Variants in NPHP4 observed in about 807,000 individuals in gnomAD.
NPHP4 encodes the protein nephrocystin-4.
In NPHP4, 151 loss-of-function variants were observed where a neutral mutation model predicts 155.8. The ratio of observed to expected loss-of-function variants is 0.97; its 90% CI spans 0.85 to 1.11. The LOEUF is 1.11. Among genes scored for constraint, NPHP4 ranks in the 50% least tolerant of loss-of-function variants. The pLI, the probability that NPHP4 is intolerant of heterozygous loss-of-function variation, is 0.00. For missense variants in NPHP4, 1,956 were observed against 1,925.7 expected (o/e 1.02, Z -0.29); for synonymous variants, 845 against 816.8 (o/e 1.03, Z -0.59).
At chr1:5,957,513 G>T (rs1231245897) in intron 6 of NPHP4, among the ~76,000 whole-genome samples, 1 of 152,198 alleles carries the variant, frequency 6.6e-6, no homozygotes, top group African/African-American at 2.4e-5. Flanking sequence ...CAAGACCGCT[G>T]CAACAGTGGG....
chr1:5,941,056 A>G (rs150954302), intron 9 of NPHP4, among the ~76,000 whole-genome samples: 147 of 152,310 alleles, frequency 9.7e-4, no homozygotes, highest in African/African-American at 3.5e-3. Flanking sequence ...CACACAACAG[A>G]GCCTCCAAAA....
At chr1:5,864,199 G>A (rs1640945252) in intron 28 of NPHP4, 139 bp downstream of exon 28, 1 of 1,132,170 alleles carries the variant, frequency 8.8e-7, no homozygotes, top group Non-Finnish European at 1.3e-6. Flanking sequence ...CAGCACAGGA[G>A]CAAACACTCA....
At chr1:5,969,042 G>T in intron 4 of NPHP4, 45 bp downstream of exon 4, 45 of 1,104,662 alleles carry the variant, frequency 4.1e-5, no homozygotes, top group Non-Finnish European at 5.2e-5. Flanking sequence ...AAAAAAAAAA[G>T]ACAGACGCTG....
At chr1:5,965,552 T>G (rs1164862488) in intron 5 of NPHP4, among the ~76,000 whole-genome samples, 2 of 152,026 alleles carry the variant, frequency 1.3e-5, no homozygotes, top group Non-Finnish European at 2.9e-5. Context: ...TTGTTCTCAG[T>G]AAACTAAAAA....
chr1:5,926,681 A>G (rs991469207), intron 11 of NPHP4, among the ~76,000 whole-genome samples: 1 of 152,190 alleles, frequency 6.6e-6, no homozygotes, highest in African/African-American at 2.4e-5. Context: ...TAGAATCTCA[A>G]TCCATGAAGA....
At chr1:5,943,096 C>T (rs541285110) in intron 9 of NPHP4, among the ~76,000 whole-genome samples, 2 of 152,244 alleles carry the variant, frequency 1.3e-5, no homozygotes, top group East Asian at 3.9e-4. Context: ...TTGCACTGTC[C>T]CCAGGATCCT....
chr1:5,931,678 G>A (rs1646280039), intron 10 of NPHP4, among the ~76,000 whole-genome samples: 1 of 146,052 alleles, frequency 6.8e-6, no homozygotes, highest in Non-Finnish European at 1.5e-5. Context: ...AGGTTGCAGT[G>A]AGCTGAGACT....
At chr1:5,906,569 A>C (rs1395335452) in intron 13 of NPHP4, among the ~76,000 whole-genome samples, 1 of 152,218 alleles carries the variant, frequency 6.6e-6, no homozygotes, top group African/African-American at 2.4e-5. Context: ...AAAAGAAACT[A>C]TTTTTCCTCA....
chr1:5,980,365 C>T (rs34246301), intron 2 of NPHP4, among the ~76,000 whole-genome samples: 2,357 of 152,302 alleles, frequency 0.015, 24 homozygotes, highest in Non-Finnish European at 0.023. Flanking sequence ...GAAAGCCCAC[C>T]GGACTGCAGC....
chr1:5,950,108 C>T (rs1232843636), intron 7 of NPHP4, among the ~76,000 whole-genome samples: 1 of 152,174 alleles, frequency 6.6e-6, no homozygotes, highest in Admixed American at 6.5e-5. Flanking sequence ...AGTCCAATTA[C>T]ACTTCATCTT....
Position 5,867,716 on chromosome 1 carries a change from C to T in NPHP4, c.3472+24G>A, listed in dbSNP as rs373599143. 9.3e-6 allele frequency: 15 copies of T among 1,605,124 alleles called. No homozygotes were observed. Among genetic ancestry groups the T allele is most frequent in the Non-Finnish European group, 1.1e-5 (13 of 1,178,600 alleles). On this transcript the variant is annotated intron_variant, in intron 24 of 29. Coordinates refer to ENST00000378156, the MANE Select transcript of NPHP4 (RefSeq NM_015102.5). The surrounding 1 kb of genome is among the most constrained non-coding windows in gnomAD (Gnocchi z 4.1). Reference sequence around the variant, plus strand: ...AACAGGTGAGCCTGCAACATGTGGGCTGCAGGGTCAGTGCAGGACCTGCCT... The same window carrying T: ...AACAGGTGAGCCTGCAACATGTGGGTTGCAGGGTCAGTGCAGGACCTGCCT...
intron 11 of NPHP4, among the ~76,000 whole-genome samples, chr1:5,921,313 A>G (rs372606519): frequency 3.3e-5 from 5 of 152,212 alleles, no homozygotes; most frequent in Admixed American, 6.5e-5. Flanking sequence ...GAGCCCGCCC[A>G]TGTCTCCTTA....
chr1:5,912,835 G>A (rs940631054), intron 11 of NPHP4, among the ~76,000 whole-genome samples: 14 of 152,280 alleles, frequency 9.2e-5, no homozygotes, highest in East Asian at 3.9e-4. Flanking sequence ...GAGCCCCTCC[G>A]TTCTCACCCC....
chr1:5,875,372 C>A (rs926615335), intron 20 of NPHP4, among the ~76,000 whole-genome samples: 2 of 152,220 alleles, frequency 1.3e-5, no homozygotes, highest in African/African-American at 4.8e-5. Context: ...AGAGACTCTT[C>A]ACAGACACGA....
intron 11 of NPHP4, among the ~76,000 whole-genome samples, chr1:5,923,240 G>A (rs1267985548): frequency 6.6e-6 from 1 of 152,156 alleles, no homozygotes; most frequent in African/African-American, 2.4e-5. Context: ...TTCTACTTCT[G>A]GCCAAGAAGA....
At position 5,877,185 on chromosome 1, in the gene NPHP4, C is replaced by A. The variant is rs777493291; in HGVS notation, c.2725G>T (p.Asp909Tyr). 11 of 1,603,696 alleles carry A rather than the reference C, an allele frequency of 6.9e-6. No individual in the cohort carries two copies. The highest frequency in any genetic ancestry group is 9.4e-6 in the Non-Finnish European group (11 of 1,174,638). The change falls in exon 20 of 30, where the codon GAT becomes TAT. Residue 909 changes from aspartate to tyrosine, a missense_variant. Asp to Tyr is a radical substitution (Grantham distance 160). Transcript: ENST00000378156. ...TCCAGCTTACGCCTGCGGGTGGCAT[C>A]CGACTCGCGGCTGACGTCCTGGGGC... ...KGPQDVSRESDATRRRKLERM... is the reference protein window; with the variant it reads ...KGPQDVSRESYATRRRKLERM...
intron 2 of NPHP4, among the ~76,000 whole-genome samples, chr1:5,983,271 A>G (rs576763146): frequency 1.3e-5 from 2 of 152,258 alleles, no homozygotes; most frequent in South Asian, 2.1e-4. Flanking sequence ...ATCAGAACAG[A>G]CCTTACTGTT....
chr1:5,910,647 A>C lies in NPHP4; in HGVS notation c.1442-1434T>G, dbSNP rs1003118441. On this transcript the variant is annotated intron_variant, in intron 11 of 29. Coordinates refer to ENST00000378156, the MANE Select transcript of NPHP4 (RefSeq NM_015102.5). This position sits in a 1 kb window ranked among gnomAD's most constrained non-coding sequence, Gnocchi z 5.4. The stretch of plus-strand genomic sequence containing the variant: ...CACTCTGGATAGAGACTGCTCAGCC[A>C]CTTCGTGTTCCGCTCTGAATCCCAA... 1.3e-5 allele frequency among the ~76,000 whole-genome samples: 2 copies of C among 152,236 alleles called. No homozygotes were observed. Among genetic ancestry groups the C allele is most frequent in the Non-Finnish European group, 2.9e-5 (2 of 68,042 alleles).
Position 5,904,734 on chromosome 1 carries a change from G to A in NPHP4, c.2026C>T (p.Pro676Ser), listed in dbSNP as rs1356815278. ...VYFTFQFYRF[P>S]PATTPRLQLV... ...TGCAGTCGTGGCGTCGTTGCGGGTG[G>A]GAAGCGGTAGAACTGGAAGGTGAAA... The change falls in exon 16 of 30, where the codon CCA (proline) becomes TCA (serine). Residue 676 changes from proline to serine, a missense_variant. Physicochemically the swap from Pro to Ser is moderately conservative, Grantham distance 74. Coordinates refer to ENST00000378156, the MANE Select transcript of NPHP4 (RefSeq NM_015102.5). The A allele has an allele frequency of 6.2e-7, 1 of 1,614,022 alleles. No individual in the cohort carries two copies. The highest frequency in any genetic ancestry group is 1.7e-5 in the Admixed American group (1 of 60,022).
Sources: allele counts gnomAD v4.1 joint callset (sites outside exome capture counted in the v4.1 genomes callset), GRCh38; gene constraint gnomAD v4.1.1; non-coding constraint Gnocchi (gnomAD v3.1); transcripts MANE v1.5; gene names NCBI Gene and HGNC (gene_info 2026-07-23, HGNC 2026-07-21).